The following RUNX2 variants were observed in gnomAD, a reference collection of about 807,000 sequenced individuals.
RUNX2 encodes RUNX family transcription factor 2.
In RUNX2, 10 loss-of-function variants were observed where a neutral mutation model predicts 51.7. The observed-to-expected ratio is 0.19, with a 90% CI of 0.12 to 0.33. The LOEUF (loss-of-function observed/expected upper bound fraction) is 0.33. RUNX2 is among the 10% of genes least tolerant of loss of function. The pLI is 1.00. For synonymous variants in RUNX2, 276 were observed against 273.6 expected (o/e 1.01, Z -0.09); for missense variants, 562 against 691.3 (o/e 0.81, Z 2.10).
At chr6:45,418,370 G>A (rs1044315734) in intron 2 of RUNX2, among the ~76,000 whole-genome samples, 1 of 152,132 alleles carries the variant, frequency 6.6e-6, no homozygotes, top group Non-Finnish European at 1.5e-5. Flanking sequence ...ATGGTAGGGA[G>A]TGGTGGGTGG....
At chr6:45,492,161 G>T in intron 6 of RUNX2, 47 bp downstream of exon 6, 1 of 1,589,080 alleles carries the variant, frequency 6.3e-7, no homozygotes, top group Non-Finnish European at 8.6e-7. Context: ...TGGCAGGCTG[G>T]GGGTGAGGGG....
chr6:45,486,274 C>G (rs1268789492), intron 5 of RUNX2, among the ~76,000 whole-genome samples: 1 of 152,076 alleles, frequency 6.6e-6, no homozygotes, highest in Non-Finnish European at 1.5e-5. Context: ...GCTTTCTTCC[C>G]CACTAGACTG....
At chr6:45,412,065 A>T (rs1388173085) in intron 2 of RUNX2, among the ~76,000 whole-genome samples, 1 of 151,928 alleles carries the variant, frequency 6.6e-6, no homozygotes, top group African/African-American at 2.4e-5. Context: ...AAACTTGCTG[A>T]GGCTGGGCAC....
chr6:45,412,733 C>T (rs552190483), intron 2 of RUNX2, among the ~76,000 whole-genome samples: 1 of 150,854 alleles, frequency 6.6e-6, no homozygotes, highest in East Asian at 2.0e-4. Flanking sequence ...GGGAACTGCC[C>T]CTTTTATTGT....
chr6:45,434,350 A>T (rs562363958), intron 4 of RUNX2, among the ~76,000 whole-genome samples: 3 of 152,332 alleles, frequency 2.0e-5, no homozygotes, highest in East Asian at 3.9e-4. Flanking sequence ...AGTCTGGATC[A>T]ACATGCTGCT....
At chr6:45,417,337 G>A (rs562623202) in intron 2 of RUNX2, among the ~76,000 whole-genome samples, 3 of 152,242 alleles carry the variant, frequency 2.0e-5, no homozygotes, top group Admixed American at 2.0e-4. Flanking sequence ...AAGGACAATG[G>A]AAAATGCTGA....
intron 6 of RUNX2, among the ~76,000 whole-genome samples, chr6:45,504,476 T>A (rs1379301737): frequency 6.6e-6 from 1 of 152,188 alleles, no homozygotes; most frequent in African/African-American, 2.4e-5. Context: ...GGGCTCTTCC[T>A]ATGCTTGGAG....
At chr6:45,490,799 T>C (rs1461145013) in intron 5 of RUNX2, among the ~76,000 whole-genome samples, 1 of 152,178 alleles carries the variant, frequency 6.6e-6, no homozygotes, top group Non-Finnish European at 1.5e-5. Flanking sequence ...TGGTGGTTCT[T>C]CCTCGAATCA....
At position 45,547,055 on chromosome 6, in the gene RUNX2, C is replaced by G; in HGVS notation, c.1316C>G (p.Thr439Ser). The G allele has an allele frequency of 6.2e-7, 1 of 1,614,148 alleles. No individual in the cohort carries two copies. The highest frequency in any genetic ancestry group is 8.5e-7 in the Non-Finnish European group (1 of 1,180,020). The stretch of plus-strand genomic sequence containing the variant: ...CAAAGCCAGAGTGGACCCTTCCAGA[C>G]CAGCAGCACTCCATATCTCTACTAT... ...SSQSQSGPFQTSSTPYLYYGT... is the reference protein window; with the variant it reads ...SSQSQSGPFQSSSTPYLYYGT... Residue 439 changes from threonine (T) to serine (S), a missense_variant, in exon 9 of 9, where the codon ACC (threonine) becomes AGC (serine). By Grantham distance (58) the Thr-to-Ser change is moderately conservative. Transcript: ENST00000647337.
intron 5 of RUNX2, among the ~76,000 whole-genome samples, chr6:45,484,391 G>A (rs970951386): frequency 1.3e-5 from 2 of 152,168 alleles, no homozygotes; most frequent in Non-Finnish European, 2.9e-5. Flanking sequence ...GAGGGGCAAA[G>A]GGCTTAATTA....
chr6:45,538,590 C>G (rs937005379), intron 7 of RUNX2, among the ~76,000 whole-genome samples: 28 of 152,016 alleles, frequency 1.8e-4, no homozygotes, highest in African/African-American at 6.8e-4. Context: ...AGCCATAAGT[C>G]ATTAGTGGTT....
chr6:45,525,469 T>C (rs751739374), intron 7 of RUNX2, among the ~76,000 whole-genome samples: 1 of 152,198 alleles, frequency 6.6e-6, no homozygotes, highest in African/African-American at 2.4e-5. Flanking sequence ...GTATTGGAAA[T>C]AGGAGTTGGC....
intron 2 of RUNX2, among the ~76,000 whole-genome samples, chr6:45,398,860 G>A (rs1387640266): frequency 2.0e-5 from 3 of 152,190 alleles, no homozygotes; most frequent in Non-Finnish European, 2.9e-5. Flanking sequence ...ACATGAGGAC[G>A]TTGAGACACA....
In RUNX2 at chr6:45,356,626, C is replaced by T. The variant is rs181385419; in HGVS notation, c.58+27842C>T. On this transcript the variant is annotated intron_variant, in intron 2 of 8. Coordinates refer to ENST00000647337, the MANE Select transcript of RUNX2 (RefSeq NM_001024630.4). ...ATGGTGGCCAGGCTGGTCTCGAACT[C>T]CTGACTGACCTCAAGTGATCTGCCC... is the stretch of plus-strand genomic sequence containing the variant. Among the ~76,000 whole-genome samples, 100 of 152,036 alleles carry T rather than the reference C, an allele frequency of 6.6e-4. 1 individual carries two copies. The highest frequency in any genetic ancestry group is 1.3e-3 in the Non-Finnish European group (87 of 67,964).
chr6:45,337,185 A>C (rs1788743533), intron 2 of RUNX2, among the ~76,000 whole-genome samples: 1 of 151,782 alleles, frequency 6.6e-6, no homozygotes, highest in African/African-American at 2.4e-5. Flanking sequence ...CCAATGACTT[A>C]CAGAATTTTT....
intron 5 of RUNX2, among the ~76,000 whole-genome samples, chr6:45,484,528 A>G (rs1398327887): frequency 6.6e-6 from 1 of 152,220 alleles, no homozygotes; most frequent in Non-Finnish European, 1.5e-5. Context: ...TTTTACATGT[A>G]TGTAGGAATG....
At chr6:45,471,217 A>G (rs1427451585) in intron 5 of RUNX2, among the ~76,000 whole-genome samples, 1 of 152,180 alleles carries the variant, frequency 6.6e-6, no homozygotes, top group Non-Finnish European at 1.5e-5. Context: ...TGATGTCACC[A>G]GATTTGTTAC....
At chr6:45,544,305 G>C (rs191268070) in intron 7 of RUNX2, among the ~76,000 whole-genome samples, 3 of 152,204 alleles carry the variant, frequency 2.0e-5, no homozygotes, top group Admixed American at 2.0e-4. Flanking sequence ...AAACCAAAAA[G>C]GTACAGTGAT....
intron 2 of RUNX2, among the ~76,000 whole-genome samples, chr6:45,378,208 T>TGG (rs975238745): frequency 7.2e-5 from 11 of 151,808 alleles, no homozygotes; most frequent in African/African-American, 2.2e-4. Context: ...GGGAGCGGAG[T>TGG]GGGGACGAGC....
Sources: gnomAD v4.1 joint callset for allele counts (sites outside exome capture counted in the v4.1 genomes callset) on GRCh38, gnomAD v4.1.1 for gene constraint, MANE v1.5 for transcripts, NCBI Gene and HGNC (gene_info 2026-07-23, HGNC 2026-07-21) for gene names.